Variants in GPC5 observed in about 807,000 individuals in gnomAD.
GPC5 encodes glypican-5.
GPC5 carries 47 observed loss-of-function variants against 53.9 expected under a neutral mutation model. The observed-to-expected ratio is 0.87, with a 90% CI of 0.69 to 1.11. The LOEUF is 1.11. Among genes scored for constraint, GPC5 ranks in the 50% most tolerant of loss-of-function variants. The pLI is 0.00. For missense variants in GPC5, 748 were observed against 713.1 expected (o/e 1.05, Z -0.56); for synonymous variants, 286 against 263.3 (o/e 1.09, Z -0.84).
chr13:92,547,819 C>CTTT (rs567478017), intron 7 of GPC5, among the ~76,000 whole-genome samples: 3,798 of 100,338 alleles, frequency 0.038, 486 homozygotes, highest in African/African-American at 0.11. Flanking sequence ...GCCTATTATT[C>CTTT]TTTTTTTTTT....
At chr13:92,517,624 C>T (rs1315726391) in intron 7 of GPC5, among the ~76,000 whole-genome samples, 2 of 152,212 alleles carry the variant, frequency 1.3e-5, no homozygotes, top group Admixed American at 6.5e-5. Flanking sequence ...GAGGGTCTGA[C>T]TGTTAGAAGG....
intron 7 of GPC5, among the ~76,000 whole-genome samples, chr13:92,719,174 C>G (rs1047613058): frequency 6.6e-6 from 1 of 150,418 alleles, no homozygotes. Context: ...ATAGCCCCCC[C>G]CCACATAATG....
rs140561130 is a variant in GPC5 at position 92,455,354 on chromosome 13, G to A, written c.1561+310365G>A. On this transcript the variant is annotated intron_variant, in intron 7 of 7. Coordinates refer to ENST00000377067, the MANE Select transcript of GPC5 (RefSeq NM_004466.6). ...GGTGAAAAAATGAATTTCCCCTAAA[G>A]AAATACATTGTATATATTTTATGTA... 5.6e-3 allele frequency among the ~76,000 whole-genome samples: 860 copies of A among 152,232 alleles called. 9 individuals are homozygous for A. Among genetic ancestry groups the A allele is most frequent in the African/African-American group, 0.02 (822 of 41,546 alleles).
chr13:92,632,154 A>T (rs1372749541), intron 7 of GPC5, among the ~76,000 whole-genome samples: 1 of 152,178 alleles, frequency 6.6e-6, no homozygotes, highest in Non-Finnish European at 1.5e-5. Context: ...TGACAAAAGC[A>T]TTGAAATTAA....
chr13:92,691,260 G>A (rs1315065914), intron 7 of GPC5, among the ~76,000 whole-genome samples: 1 of 117,640 alleles, frequency 8.5e-6, no homozygotes. Context: ...GTGGGATATA[G>A]TCTCATGGTG....
At chr13:92,383,779 A>C (rs2043769809) in intron 7 of GPC5, among the ~76,000 whole-genome samples, 1 of 152,184 alleles carries the variant, frequency 6.6e-6, no homozygotes, top group African/African-American at 2.4e-5. Flanking sequence ...ATTATATTTT[A>C]ACTTAAAATT....
At chr13:92,489,599 G>A (rs1879683854) in intron 7 of GPC5, among the ~76,000 whole-genome samples, 1 of 152,106 alleles carries the variant, frequency 6.6e-6, no homozygotes, top group South Asian at 2.1e-4. Flanking sequence ...GATACCTGAG[G>A]CAGGGCTGCT....
At chr13:91,503,781 A>AATAATG (rs1221032500) in intron 2 of GPC5, among the ~76,000 whole-genome samples, 360 of 2,666 alleles carry the variant, frequency 0.14, 1 homozygote, top group South Asian at 0.2. Flanking sequence ...TCTGTCTCAA[A>AATAATG]ATAATAATAA....
chr13:92,622,124 T>C (rs893918529), intron 7 of GPC5, among the ~76,000 whole-genome samples: 11 of 152,292 alleles, frequency 7.2e-5, no homozygotes, highest in African/African-American at 2.4e-4. Flanking sequence ...GCTCTGGTTC[T>C]GTCTAGCACC....
At chr13:91,403,830 C>T (rs1877126217) in intron 1 of GPC5, among the ~76,000 whole-genome samples, 1 of 152,140 alleles carries the variant, frequency 6.6e-6, no homozygotes, top group Non-Finnish European at 1.5e-5. Flanking sequence ...TCCAATGGCT[C>T]ATCAGGTGCT....
intron 7 of GPC5, among the ~76,000 whole-genome samples, chr13:92,201,049 T>C (rs948270386): frequency 6.6e-6 from 1 of 152,018 alleles, no homozygotes; most frequent in Non-Finnish European, 1.5e-5. Context: ...TCTCTTCCTA[T>C]TCTTTCATCT....
chr13:92,120,523 T>A (rs1417465410), intron 6 of GPC5, among the ~76,000 whole-genome samples: 1 of 152,148 alleles, frequency 6.6e-6, no homozygotes, highest in East Asian at 1.9e-4. Context: ...AGTGCTAGGA[T>A]TACAGGTGCG....
chr13:91,908,117 C>A (rs1238545771), intron 6 of GPC5, 60 bp downstream of exon 6: 2 of 1,284,036 alleles, frequency 1.6e-6, no homozygotes, highest in Admixed American at 5.5e-5. Flanking sequence ...TGGTTACTTT[C>A]TGTTATATTT....
chr13:92,451,754 G>A (rs1878068755), intron 7 of GPC5, among the ~76,000 whole-genome samples: 1 of 152,140 alleles, frequency 6.6e-6, no homozygotes, highest in African/African-American at 2.4e-5. Context: ...TATTTACCAT[G>A]AAATTAGCAA....
chr13:91,594,918 T>C (rs1243726805), intron 2 of GPC5, among the ~76,000 whole-genome samples: 1 of 151,956 alleles, frequency 6.6e-6, no homozygotes, highest in East Asian at 1.9e-4. Context: ...AGTCTTTCCA[T>C]CTTGAGCTCC....
At chr13:91,653,184 G>A (rs1261954054) in intron 2 of GPC5, among the ~76,000 whole-genome samples, 1 of 152,150 alleles carries the variant, frequency 6.6e-6, no homozygotes, top group Non-Finnish European at 1.5e-5. Context: ...AAACGTTCCT[G>A]TAAAAACCTT....
At chr13:91,889,911 A>T (rs1485706492) in intron 5 of GPC5, among the ~76,000 whole-genome samples, 1 of 152,238 alleles carries the variant, frequency 6.6e-6, no homozygotes, top group African/African-American at 2.4e-5. Context: ...ATCAATCAAT[A>T]GGTGCAAGGT....
chr13:92,770,075 A>G (rs1040331777), intron 7 of GPC5, among the ~76,000 whole-genome samples: 1 of 151,574 alleles, frequency 6.6e-6, no homozygotes. Flanking sequence ...CTGTTCCCCA[A>G]TGGCTTATTC....
chr13:92,064,408 G>C (rs1269964363), intron 6 of GPC5, among the ~76,000 whole-genome samples: 2 of 152,144 alleles, frequency 1.3e-5, no homozygotes, highest in African/African-American at 4.8e-5. Context: ...GTGCAACCAA[G>C]GTTGACAAGC....
Sources: allele counts gnomAD v4.1 joint callset (sites outside exome capture counted in the v4.1 genomes callset), GRCh38; gene constraint gnomAD v4.1.1; transcripts MANE v1.5; gene names NCBI Gene and HGNC (gene_info 2026-07-23, HGNC 2026-07-21).